ACTN4: variants seen among roughly 807,000 people sequenced by gnomAD.
ACTN4 encodes actinin alpha 4.
In ACTN4, 18 loss-of-function variants were observed where a neutral mutation model predicts 114.2. The observed-to-expected ratio is 0.16, with a 90% CI of 0.11 to 0.23. ACTN4 has a LOEUF of 0.23. Ranked by LOEUF, ACTN4 falls within the 10% of genes least tolerant of loss-of-function variation. The pLI, the probability that ACTN4 is intolerant of heterozygous loss-of-function variation, is 1.00. For missense variants in ACTN4, 722 were observed against 1,262.9 expected, an observed-to-expected ratio of 0.57 and a Z score of 6.49; for synonymous variants, 515 against 506.3, an observed-to-expected ratio of 1.02 and a Z score of -0.23.
chr19:38,674,979 G>T (rs1967329248), intron 1 of ACTN4, among the ~76,000 whole-genome samples: 1 of 152,198 alleles, frequency 6.6e-6, no homozygotes, highest in Non-Finnish European at 1.5e-5. Context: ...ACAAGCATGT[G>T]GCTGAATGAC....
At position 38,715,609 on chromosome 19, in the gene ACTN4, T is replaced by C. The variant is rs998959614; in HGVS notation, c.912+1048T>C. On this transcript the variant is annotated intron_variant, in intron 9 of 20. Coordinates refer to ENST00000252699, the MANE Select transcript of ACTN4 (RefSeq NM_004924.6). The stretch of plus-strand genomic sequence containing the variant: ...TAGACCAGGAAAATTTGAAAAACTA[T>C]TGGATGTCCAACCTAAGAGGGCCAG... 1.6e-4 allele frequency among the ~76,000 whole-genome samples: 25 copies of C among 152,208 alleles called. 1 individual carries two copies. The highest frequency in any genetic ancestry group is 5.8e-4 in the East Asian group (3 of 5,200).
chr19:38,658,796 G>A (rs879495845), intron 1 of ACTN4, among the ~76,000 whole-genome samples: 1 of 152,122 alleles, frequency 6.6e-6, no homozygotes, highest in South Asian at 2.1e-4. Context: ...GTATCCAGAC[G>A]GTAAACATCA....
In ACTN4 at chr19:38,730,016, C is replaced by T. The variant is rs570518830; in HGVS notation, c.*584C>T. 3.7e-6 allele frequency: 1 copy of T among 267,648 alleles called. No individual in the cohort carries two copies. Among genetic ancestry groups the T allele is most frequent in the South Asian group, 3.6e-5 (1 of 27,700 alleles). 16.6% of individuals were successfully genotyped at this position (267,648 alleles called of 1,614,324 possible). On this transcript the variant is annotated 3_prime_UTR_variant, in exon 21 of 21. Transcript: ENST00000252699. ...GAGCTGAGTTGGCAGACCGGGCCCC[C>T]CTGAACCGCACCCCATCCCACCAGC...
chr19:38,711,243 CCTCT>C (rs368912677), intron 8 of ACTN4: 3 of 921,446 alleles, frequency 3.3e-6, no homozygotes, highest in South Asian at 4.9e-5. Flanking sequence ...CTCTCTCCTG[CCTCT>C]CTCTCTCTTT....
chr19:38,685,592 C>T (rs972591775), intron 1 of ACTN4, among the ~76,000 whole-genome samples: 2 of 152,172 alleles, frequency 1.3e-5, no homozygotes, highest in Non-Finnish European at 2.9e-5. Flanking sequence ...GCTCCAAACT[C>T]ACTCTGCTTC....
intron 1 of ACTN4, among the ~76,000 whole-genome samples, chr19:38,690,341 T>C (rs1967883736): frequency 6.6e-6 from 1 of 152,240 alleles, no homozygotes; most frequent in African/African-American, 2.4e-5. Context: ...GGGTGTCTGC[T>C]GCATTTCTGA....
intron 9 of ACTN4, among the ~76,000 whole-genome samples, chr19:38,715,677 T>C: frequency 6.6e-6 from 1 of 152,136 alleles, no homozygotes; most frequent in East Asian, 1.9e-4. Context: ...AAAGAAACAC[T>C]ACCATCTGTT....
chr19:38,727,826 A>G lies in ACTN4; in HGVS notation c.2338-120A>G, dbSNP rs1475218316. On this transcript the variant is annotated intron_variant, in intron 18 of 20. Coordinates refer to ENST00000252699, the MANE Select transcript of ACTN4 (RefSeq NM_004924.6). The surrounding 1 kb of genome is among the most constrained non-coding windows in gnomAD (Gnocchi z 5.4). ...CCATCTCCTTGTCCATGTTGCCTCTAACTCTGTGTTTCCCTCCCCTACGTG... is the reference window on the plus strand; with the variant it reads ...CCATCTCCTTGTCCATGTTGCCTCTGACTCTGTGTTTCCCTCCCCTACGTG... 9.7e-6 allele frequency: 9 copies of G among 928,864 alleles called. No individual in the cohort carries two copies. Among genetic ancestry groups the G allele is most frequent in the Non-Finnish European group, 1.5e-5 (9 of 593,356 alleles). The allele number at this position is 928,864 out of a possible 1,614,324, so 57.5% of individuals were successfully genotyped here.
At chr19:38,669,700 G>A (rs761644747) in intron 1 of ACTN4, among the ~76,000 whole-genome samples, 6 of 152,160 alleles carry the variant, frequency 3.9e-5, no homozygotes, top group Non-Finnish European at 7.3e-5. Context: ...GGAGCCCAGC[G>A]TGGCCTCAGG....
chr19:38,717,886 A>G lies in ACTN4; in HGVS notation c.1144-41A>G. 1 of 1,561,388 alleles carries G rather than the reference A, an allele frequency of 6.4e-7. No individual in the cohort carries two copies. The highest frequency in any genetic ancestry group is 8.7e-7 in the Non-Finnish European group (1 of 1,152,636). On this transcript the variant is annotated intron_variant, in intron 10 of 20. Transcript: ENST00000252699. The surrounding 1 kb of genome is among the most constrained non-coding windows in gnomAD (Gnocchi z 4.0). Reference sequence around the variant, plus strand: ...TGGAGACATCCCCCTGGGTGCCTCCACTTCCTTGTGATAGCCCTGCCTGCT... The same window carrying G: ...TGGAGACATCCCCCTGGGTGCCTCCGCTTCCTTGTGATAGCCCTGCCTGCT...
chr19:38,708,425 T>C (rs1968532533), intron 6 of ACTN4, among the ~76,000 whole-genome samples: 1 of 152,186 alleles, frequency 6.6e-6, no homozygotes. Flanking sequence ...TCCATGGCAC[T>C]GCAACCAACC....
chr19:38,702,314 TG>T (rs1225619457), intron 3 of ACTN4, among the ~76,000 whole-genome samples: 1 of 152,240 alleles, frequency 6.6e-6, no homozygotes, highest in Non-Finnish European at 1.5e-5. Context: ...CAAAGCCTAA[TG>T]GAGGCGTTCC....
Position 38,730,796 on chromosome 19 carries a change from A to G in ACTN4, c.*1364A>G. 1.3e-6 allele frequency: 2 copies of G among 1,544,842 alleles called. No homozygotes were observed. Among genetic ancestry groups the G allele is most frequent in the African/African-American group, 2.7e-5 (2 of 73,080 alleles). ...CACCCATGCCAGGCAAGGCCTAGGG[A>G]GGTGGTCTTGCTCAGCAACCCTGCC... On this transcript the variant is annotated 3_prime_UTR_variant, in exon 21 of 21. Coordinates refer to ENST00000252699, the MANE Select transcript of ACTN4 (RefSeq NM_004924.6).
chr19:38,683,880 C>A (rs1407056461), intron 1 of ACTN4: 3 of 152,396 alleles, frequency 2.0e-5, no homozygotes, highest in African/African-American at 7.2e-5. Flanking sequence ...CACCCAGTGG[C>A]TCAGCATGGG....
rs115567069 is a variant in ACTN4 at position 38,656,780 on chromosome 19, T to G, written c.162+8873T>G. Among the ~76,000 whole-genome samples, 598 of 152,136 alleles carry G rather than the reference T, an allele frequency of 3.9e-3. 4 individuals are homozygous for G. The highest frequency in any genetic ancestry group is 0.014 in the African/African-American group (565 of 41,512). On this transcript the variant is annotated intron_variant, in intron 1 of 20. Coordinates refer to ENST00000252699, the MANE Select transcript of ACTN4 (RefSeq NM_004924.6). ...GGTTTGTTTTATGTTTTTTAAAGTTTCCCCCCCAAAGGTGTGGGGCTGAGT... is the reference window on the plus strand; with the variant it reads ...GGTTTGTTTTATGTTTTTTAAAGTTGCCCCCCCAAAGGTGTGGGGCTGAGT...
chr19:38,660,451 A>G (rs1976850483), intron 1 of ACTN4, among the ~76,000 whole-genome samples: 1 of 151,000 alleles, frequency 6.6e-6, no homozygotes. Context: ...GCTGGAGTGC[A>G]ATGGCGTGTT....
chr19:38,651,270 T>C (rs530202727), intron 1 of ACTN4, among the ~76,000 whole-genome samples: 1 of 152,300 alleles, frequency 6.6e-6, no homozygotes, highest in East Asian at 1.9e-4. Flanking sequence ...GTGTCTCACT[T>C]CTGCTTGGAA....
At chr19:38,708,045 G>T in intron 5 of ACTN4, 72 bp from the exon 6 acceptor site, 1 of 1,459,600 alleles carries the variant, frequency 6.9e-7, no homozygotes, top group East Asian at 2.3e-5. Context: ...ACTGCTGTGG[G>T]TGCACAGGGC....
intron 1 of ACTN4, among the ~76,000 whole-genome samples, chr19:38,663,526 G>A (rs559908414): frequency 6.6e-6 from 1 of 152,344 alleles, no homozygotes; most frequent in African/African-American, 2.4e-5. Flanking sequence ...GTGAATCAGG[G>A]CAGGTGGGGT....
Sources: gnomAD v4.1 joint callset for allele counts (sites outside exome capture counted in the v4.1 genomes callset) on GRCh38, gnomAD v4.1.1 for gene constraint, Gnocchi (gnomAD v3.1) non-coding constraint, MANE v1.5 for transcripts, NCBI Gene and HGNC (gene_info 2026-07-23, HGNC 2026-07-21) for gene names.